Variants in TMEM131 observed in about 807,000 individuals in gnomAD.
The protein encoded by TMEM131 is transmembrane protein 131, also known as 2610524E03Rik.
Under a neutral mutation model 211.6 loss-of-function variants are expected in TMEM131, and 66 were observed. The ratio of observed to expected loss-of-function variants is 0.31; its 90% CI spans 0.26 to 0.38. TMEM131 has a LOEUF of 0.38. Among genes scored for constraint, TMEM131 ranks in the 10% least tolerant of loss-of-function variants. The probability of loss-of-function intolerance (pLI) is 1.00; values close to 1 mark genes in which losing one functional copy is unlikely to be tolerated. For synonymous variants in TMEM131, 844 were observed against 841.3 expected (o/e 1.00, Z -0.06); for missense variants, 2,036 against 2,299.3 (o/e 0.89, Z 2.34).
At chr2:97,851,705 G>C (rs144625848) in intron 5 of TMEM131, among the ~76,000 whole-genome samples, 6 of 152,158 alleles carry the variant, frequency 3.9e-5, no homozygotes, top group African/African-American at 1.4e-4. Flanking sequence ...AATTGTTTTA[G>C]GGCACCACAA....
intron 1 of TMEM131, among the ~76,000 whole-genome samples, chr2:97,932,546 TC>T (rs1275482669): frequency 3.9e-5 from 6 of 152,160 alleles, no homozygotes; most frequent in Non-Finnish European, 1.5e-5. Flanking sequence ...ATACCATACA[TC>T]TAAAAAGATG....
intron 2 of TMEM131, among the ~76,000 whole-genome samples, chr2:97,914,210 A>G (rs1345477640): frequency 6.6e-6 from 1 of 152,192 alleles, no homozygotes; most frequent in African/African-American, 2.4e-5. Context: ...ATGTATTTTT[A>G]ACATGAATTT....
intron 7 of TMEM131, among the ~76,000 whole-genome samples, chr2:97,838,406 T>C (rs1044565026): frequency 6.9e-6 from 1 of 144,748 alleles, no homozygotes; most frequent in Non-Finnish European, 1.5e-5. Flanking sequence ...GCAAGAAAAA[T>C]GGCAATTCTT....
intron 11 of TMEM131, among the ~76,000 whole-genome samples, chr2:97,820,281 C>T (rs1057492695): frequency 1.3e-5 from 2 of 152,076 alleles, no homozygotes; most frequent in South Asian, 2.1e-4. Flanking sequence ...CTGTTATTAG[C>T]GACATTTAAA....
At position 97,805,590 on chromosome 2, in the gene TMEM131, C is replaced by T; in HGVS notation, c.2169G>A (p.Arg723=). 6.2e-7 allele frequency: 1 copy of T among 1,611,186 alleles called. No homozygotes were observed. Among genetic ancestry groups the T allele is most frequent in the Admixed American group, 1.7e-5 (1 of 59,904 alleles). ...CTGGCTCCAAGTCTTCCTTATTGCC[C>T]CGTAATCGTTTATAGTAAAATCGCA... The part of the protein sequence containing the change: ...EDVRFYYKRL[R]GNKEDLEPGK... Residue 723 remains arginine (R), a synonymous_variant, in exon 20 of 41, where the codon CGG becomes CGA. Coordinates refer to ENST00000186436, the MANE Select transcript of TMEM131 (RefSeq NM_015348.2).
At chr2:97,809,285 T>C (rs921227737) in intron 19 of TMEM131, among the ~76,000 whole-genome samples, 1 of 152,236 alleles carries the variant, frequency 6.6e-6, no homozygotes, top group Non-Finnish European at 1.5e-5. Context: ...CTTCAGACTT[T>C]ACTGCCTCTG....
intron 7 of TMEM131, 133 bp downstream of exon 7, chr2:97,841,682 A>G: frequency 9.7e-7 from 1 of 1,028,586 alleles, no homozygotes; most frequent in Non-Finnish European, 1.3e-6. Flanking sequence ...TACTAAAAGT[A>G]ATACCCCTCT....
In TMEM131 at chr2:97,888,060, GAA is replaced by G. The variant is rs1675231788; in HGVS notation, c.349_350del (p.Phe117ProfsTer2). 6.2e-7 allele frequency: 1 copy of G among 1,613,220 alleles called. No individual in the cohort carries two copies. The highest frequency in any genetic ancestry group is 1.3e-5 in the African/African-American group (1 of 74,886). ...PIRFEPPMLD[F>X]HEQPVGMPKM... ...AAAAATTTTAAACTTACTGTTCATG[GAA>G]ATCCAGCATTGGTGGCTCAAATCGT... On this transcript the variant is annotated frameshift_variant, in exon 4 of 41. Transcript: ENST00000186436. LOFTEE classifies it high-confidence loss of function.
rs1678501052 is a variant in TMEM131 at position 97,756,692 on chromosome 2, CTT to C, written c.*405_*406del. The C allele has an allele frequency of 6.5e-6, 1 of 154,864 alleles. No homozygotes were observed. The highest frequency in any genetic ancestry group is 1.4e-5 in the Non-Finnish European group (1 of 69,974). The allele number at this position is 154,864 out of a possible 1,614,324, so 9.6% of individuals were successfully genotyped here. A position where few individuals can be genotyped will look rare whatever the true frequency, so the allele number is the denominator to read the frequency against. ...TATTGAGAAATTATTAAAAACCAAA[CTT>C]GGTAATTTAACAAAATTGTCACATG... On this transcript the variant is annotated 3_prime_UTR_variant, in exon 41 of 41. Transcript: ENST00000186436.
At chr2:97,923,653 A>AG in intron 2 of TMEM131, among the ~76,000 whole-genome samples, 1 of 148,092 alleles carries the variant, frequency 6.8e-6, no homozygotes, top group South Asian at 2.1e-4. Context: ...AAAAAAAAAA[A>AG]GACAAAATTC....
chr2:97,939,611 T>C (rs1394212218), intron 1 of TMEM131, among the ~76,000 whole-genome samples: 1 of 152,228 alleles, frequency 6.6e-6, no homozygotes, highest in African/African-American at 2.4e-5. Context: ...GAGGAGCTGG[T>C]ACCATTCCTT....
chr2:97,988,788 T>C (rs966473568), intron 1 of TMEM131, among the ~76,000 whole-genome samples: 7 of 152,152 alleles, frequency 4.6e-5, no homozygotes, highest in South Asian at 4.1e-4. Context: ...CATGGAGAAA[T>C]TGGAATCCTT....
chr2:97,842,041 T>TA (rs1683223472), intron 6 of TMEM131, 104 bp from the exon 7 acceptor site: 3 of 1,105,356 alleles, frequency 2.7e-6, no homozygotes, highest in Non-Finnish European at 3.6e-6. Context: ...AATTTATGTA[T>TA]AAAAAATTAA....
At chr2:97,948,141 G>A (rs1678130820) in intron 1 of TMEM131, among the ~76,000 whole-genome samples, 1 of 151,440 alleles carries the variant, frequency 6.6e-6, no homozygotes, top group Non-Finnish European at 1.5e-5. Context: ...TTCTTAAGTA[G>A]GATACAAAAA....
chr2:97,953,002 T>C (rs1251780531), intron 1 of TMEM131, among the ~76,000 whole-genome samples: 1 of 152,226 alleles, frequency 6.6e-6, no homozygotes. Context: ...ATTAAAAATT[T>C]TGTCACTACC....
chr2:97,915,376 A>C (rs1352302563), intron 2 of TMEM131, among the ~76,000 whole-genome samples: 3 of 152,220 alleles, frequency 2.0e-5, no homozygotes, highest in Non-Finnish European at 2.9e-5. Context: ...GCTGGAGTGC[A>C]GCAGTGTGAT....
At chr2:97,818,487 C>A in intron 12 of TMEM131, 126 bp downstream of exon 12, 8 of 330,530 alleles carry the variant, frequency 2.4e-5, no homozygotes, top group Non-Finnish European at 3.6e-5. Flanking sequence ...GGGGGATCAA[C>A]CTAAGCAGTA....
At chr2:97,985,701 G>GA (rs990306180) in intron 1 of TMEM131, among the ~76,000 whole-genome samples, 59 of 149,684 alleles carry the variant, frequency 3.9e-4, no homozygotes, top group Admixed American at 1.7e-3. Flanking sequence ...AATACCCTGG[G>GA]AAAAAAAAAA....
Position 97,793,469 on chromosome 2 carries a change from C to T in TMEM131, c.3471G>A (p.Glu1157=). The change falls in exon 30 of 41, where the codon GAG becomes GAA. Residue 1157 remains glutamate (E), a synonymous_variant. Coordinates refer to ENST00000186436, the MANE Select transcript of TMEM131 (RefSeq NM_015348.2). Reference sequence around the variant, plus strand: ...CCACATCGAAGGGCGGGTTCGAGGCCTCAAAGGATAGCCGCCTTCGAAATG... The same window carrying T: ...CCACATCGAAGGGCGGGTTCGAGGCTTCAAAGGATAGCCGCCTTCGAAATG... ...WEPFRRRLSF[E]ASNPPFDVGR... The T allele has an allele frequency of 6.2e-7, 1 of 1,613,950 alleles. No individual in the cohort carries two copies. The highest frequency in any genetic ancestry group is 2.2e-5 in the East Asian group (1 of 44,876).
Sources: allele counts gnomAD v4.1 joint callset (sites outside exome capture counted in the v4.1 genomes callset), GRCh38; gene constraint gnomAD v4.1.1; transcripts MANE v1.5; gene names NCBI Gene and HGNC (gene_info 2026-07-23, HGNC 2026-07-21).